The following SHC3 variants were observed in gnomAD, a reference collection of about 807,000 sequenced individuals.
The protein encoded by SHC3 is SHC-transforming protein 3.
SHC3 carries 15 observed loss-of-function variants against 60.4 expected under a neutral mutation model. The ratio of observed to expected loss-of-function variants is 0.25; its 90% CI spans 0.17 to 0.38. The LOEUF is 0.38. SHC3 is among the 10% of genes least tolerant of loss of function. The pLI is 1.00. For synonymous variants in SHC3, 294 were observed against 325.9 expected, an observed-to-expected ratio of 0.90 and a Z score of 1.05; for missense variants, 677 against 786.1, an observed-to-expected ratio of 0.86 and a Z score of 1.66.
chr9:89,055,291 G>T (rs1436190525), intron 6 of SHC3, among the ~76,000 whole-genome samples: 1 of 152,224 alleles, frequency 6.6e-6, no homozygotes, highest in East Asian at 1.9e-4. Flanking sequence ...CCGGCTTGGC[G>T]CTCAGGACTG....
intron 5 of SHC3, among the ~76,000 whole-genome samples, chr9:89,070,858 A>G (rs1825258627): frequency 6.6e-6 from 1 of 152,220 alleles, no homozygotes; most frequent in African/African-American, 2.4e-5. Context: ...TCCAATAAAA[A>G]AACAAAAAGT....
chr9:89,067,867 T>C (rs1490814677), intron 5 of SHC3, among the ~76,000 whole-genome samples: 2 of 152,226 alleles, frequency 1.3e-5, no homozygotes, highest in Non-Finnish European at 1.5e-5. Context: ...ATAAAAAGTA[T>C]AAATAAAAGA....
chr9:89,152,550 C>T (rs762700288), intron 1 of SHC3, among the ~76,000 whole-genome samples: 6 of 152,194 alleles, frequency 3.9e-5, no homozygotes, highest in African/African-American at 9.7e-5. Flanking sequence ...TGTGTGCAAT[C>T]GCACCTTCTC....
At chr9:89,079,669 G>GA (rs1825415470) in intron 2 of SHC3, among the ~76,000 whole-genome samples, 1 of 152,212 alleles carries the variant, frequency 6.6e-6, no homozygotes, top group Non-Finnish European at 1.5e-5. Flanking sequence ...AAGGGAGGTA[G>GA]AAACTATGCA....
chr9:89,121,197 T>C (rs1345548070), intron 1 of SHC3, among the ~76,000 whole-genome samples: 2 of 152,164 alleles, frequency 1.3e-5, no homozygotes, highest in Non-Finnish European at 2.9e-5. Context: ...AATCAAAAAC[T>C]GTGATGTGTC....
chr9:89,065,379 C>T (rs1825161727), intron 6 of SHC3, 150 bp downstream of exon 6: 4 of 834,814 alleles, frequency 4.8e-6, no homozygotes, highest in South Asian at 4.7e-5. Flanking sequence ...AAGCGATCTA[C>T]AACCCTTGCA....
chr9:89,039,202 G>A (rs12337493), intron 10 of SHC3, among the ~76,000 whole-genome samples: 23,272 of 152,182 alleles, frequency 0.15, 3,420 homozygotes, highest in African/African-American at 0.39. Flanking sequence ...AAGAACAGGA[G>A]TGGTTCTTTC....
chr9:89,078,906 C>T (rs1825403491), intron 2 of SHC3, among the ~76,000 whole-genome samples: 1 of 152,178 alleles, frequency 6.6e-6, no homozygotes, highest in Non-Finnish European at 1.5e-5. Context: ...ATTCTATAAA[C>T]TTTCCGAGCT....
chr9:89,020,515 C>A (rs1421093045), intron 11 of SHC3, among the ~76,000 whole-genome samples: 1 of 152,138 alleles, frequency 6.6e-6, no homozygotes, highest in African/African-American at 2.4e-5. Flanking sequence ...TGACGTACGT[C>A]CATGTCAAAG....
At chr9:89,133,202 C>T (rs1041547786) in intron 1 of SHC3, among the ~76,000 whole-genome samples, 1 of 152,086 alleles carries the variant, frequency 6.6e-6, no homozygotes, top group African/African-American at 2.4e-5. Flanking sequence ...AAATCAAAAC[C>T]GCAATGAGAT....
In SHC3 at chr9:89,052,741, G is replaced by T. The variant is rs532088977; in HGVS notation, c.836-578C>A. On this transcript the variant is annotated intron_variant, in intron 6 of 11. Coordinates refer to ENST00000375835, the MANE Select transcript of SHC3 (RefSeq NM_016848.6). Reference sequence around the variant, plus strand: ...GAATATAAAGAGATATTAATTATCAGTGTGACCATGCCAATAACATGACAC... The same window carrying T: ...GAATATAAAGAGATATTAATTATCATTGTGACCATGCCAATAACATGACAC... 1.1e-4 allele frequency among the ~76,000 whole-genome samples: 17 copies of T among 152,350 alleles called. No homozygotes were observed. The South Asian group carries it at 1.7e-3, about 15-fold the overall frequency.
At chr9:89,078,451 G>T (rs1825395833) in intron 2 of SHC3, among the ~76,000 whole-genome samples, 1 of 152,158 alleles carries the variant, frequency 6.6e-6, no homozygotes, top group Non-Finnish European at 1.5e-5. Flanking sequence ...GAACTGCAGG[G>T]TGTATAAAGA....
chr9:89,082,930 C>T (rs149658495), intron 2 of SHC3, among the ~76,000 whole-genome samples: 16 of 152,316 alleles, frequency 1.1e-4, no homozygotes, highest in African/African-American at 2.2e-4. Context: ...TTGTTAGCTC[C>T]GCTTCAGTGT....
chr9:89,053,708 GA>G (rs1381222948), intron 6 of SHC3, among the ~76,000 whole-genome samples: 3 of 152,204 alleles, frequency 2.0e-5, no homozygotes, highest in Non-Finnish European at 4.4e-5. Context: ...GTTGTCTTCT[GA>G]TGATCAATTA....
intron 1 of SHC3, among the ~76,000 whole-genome samples, chr9:89,133,752 G>T (rs2118174733): frequency 6.6e-6 from 1 of 152,138 alleles, no homozygotes; most frequent in South Asian, 2.1e-4. Context: ...CACACACTGG[G>T]GCCTGTCATG....
chr9:89,019,087 C>CA (rs1826155166), intron 11 of SHC3, among the ~76,000 whole-genome samples: 1 of 150,150 alleles, frequency 6.7e-6, no homozygotes, highest in Non-Finnish European at 1.5e-5. Flanking sequence ...AGAATATCTA[C>CA]AAAAAAACCC....
chr9:89,137,829 T>C (rs562621910), intron 1 of SHC3, among the ~76,000 whole-genome samples: 2 of 152,114 alleles, frequency 1.3e-5, no homozygotes, highest in South Asian at 4.1e-4. Context: ...ACTCAATTCA[T>C]CAGGAGCAAG....
intron 1 of SHC3, among the ~76,000 whole-genome samples, chr9:89,113,092 C>G (rs1825973521): frequency 6.6e-6 from 1 of 151,930 alleles, no homozygotes; most frequent in African/African-American, 2.4e-5. Context: ...TTTTCATCAA[C>G]ATTAAATGTC....
At chr9:89,121,041 T>A (rs950253566) in intron 1 of SHC3, among the ~76,000 whole-genome samples, 2 of 152,176 alleles carry the variant, frequency 1.3e-5, no homozygotes, top group Admixed American at 1.3e-4. Context: ...TACGTATTTT[T>A]GCAAGCATAA....
Sources: allele counts gnomAD v4.1 joint callset (sites outside exome capture counted in the v4.1 genomes callset), GRCh38; gene constraint gnomAD v4.1.1; transcripts MANE v1.5; gene names NCBI Gene and HGNC (gene_info 2026-07-23, HGNC 2026-07-21).